KCND1: variants seen among roughly 807,000 people sequenced by gnomAD.
KCND1 encodes potassium voltage-gated channel subfamily D member 1, also known as A-type voltage-gated potassium channel KCND1.
In KCND1, 11 loss-of-function variants were observed where a neutral mutation model predicts 31.8. The ratio of observed to expected loss-of-function variants is 0.35; its 90% CI spans 0.22 to 0.57. The LOEUF (loss-of-function observed/expected upper bound fraction) is 0.57. KCND1 is among the 20% of genes least tolerant of loss of function. The pLI is 0.85. For missense variants in KCND1, 471 were observed against 596.8 expected (o/e 0.79, Z 2.20); for synonymous variants, 234 against 248.1 (o/e 0.94, Z 0.53).
At chrX:48,966,905 G>A (rs1023631062) in intron 2 of KCND1, 39 bp downstream of exon 2, 2 of 1,205,790 alleles carry the variant, frequency 1.7e-6, no homozygotes. Context: ...GGCTTGGGGT[G>A]TGGGGAGTAG....
intron 5 of KCND1, among the ~76,000 whole-genome samples, chrX:48,965,201 C>T (rs956519128): frequency 0.065 from 6,982 of 107,694 alleles, 242 homozygotes; most frequent in East Asian, 0.13. Context: ...TACAGGTGCG[C>T]GCCACCACAC....
At chrX:48,966,545 T>C (rs781976299) in intron 4 of KCND1, 33 bp downstream of exon 4, 1 of 1,157,025 alleles carries the variant, frequency 8.6e-7, no homozygotes, top group South Asian at 1.8e-5. Flanking sequence ...GGACCCCCTC[T>C]ATTCTGCTAT....
At position 48,962,802 on chromosome X, in the gene KCND1, A is replaced by C. The variant is rs142098952; in HGVS notation, c.1723T>G (p.Ser575Ala). ...LRRSHAPQSRSSLNAKPHDSL... is the reference protein window; with the variant it reads ...LRRSHAPQSRASLNAKPHDSL... ...TCATGGGGCTTGGCATTGAGGCTGG[A>C]ACGGCTGTGGACAAGGGTGGAGAAG... The change falls in exon 6 of 6, where the codon TCC (serine) becomes GCC (alanine). Residue 575 changes from serine (S) to alanine (A), a missense_variant. Around this residue, in one of 3 missense-constraint regions of KCND1, gnomAD observed 185 missense variants for 184.7 expected, o/e 1.00. Coordinates refer to ENST00000218176, the MANE Select transcript of KCND1 (RefSeq NM_004979.6). 4,520 of 1,203,872 alleles carry C rather than the reference A, an allele frequency of 3.8e-3. 15 individuals are homozygous for C. The highest frequency in any genetic ancestry group is 4.4e-3 in the Non-Finnish European group (3,938 of 890,857).
At position 48,970,585 on chromosome X, in the gene KCND1, T is replaced by G; in HGVS notation, c.-314A>C. ...GAGCTGAGGGAGGGTTTAGAGAGACTGAGATGATTCTAAAGGAGTCAGCCT... is the reference window on the plus strand; with the variant it reads ...GAGCTGAGGGAGGGTTTAGAGAGACGGAGATGATTCTAAAGGAGTCAGCCT... On this transcript the variant is annotated 5_prime_UTR_variant, in exon 1 of 6. Transcript: ENST00000218176. 1 of 241,853 alleles carries G rather than the reference T, an allele frequency of 4.1e-6. No homozygotes were observed. The allele number at this position is 241,853 out of a possible 1,213,427, so 19.9% of individuals were successfully genotyped here. A position where few individuals can be genotyped will look rare whatever the true frequency, so the allele number is the denominator to read the frequency against.
rs1569518736 is a variant in KCND1, at chrX:48,970,014, G to A, written c.258C>T (p.Arg86=). The A allele has an allele frequency of 8.3e-7, 1 of 1,211,270 alleles. No individual in the cohort carries two copies. The highest frequency in any genetic ancestry group is 1.1e-6 in the Non-Finnish European group (1 of 895,154). Residue 86 remains arginine, a synonymous_variant, in exon 1 of 6, where the codon CGC becomes CGT. Transcript: ENST00000218176. ...GCACATGGCGGAACATGTCAGGGTC[G>A]CGATCGAAGAAGTACTCGCCTGAGT... ...DADSGEYFFD[R]DPDMFRHVLN... is the part of the protein sequence containing the mutation.
At chrX:48,965,930 C>T in intron 5 of KCND1, 125 bp downstream of exon 5, 2 of 734,759 alleles carry the variant, frequency 2.7e-6, no homozygotes, top group East Asian at 3.3e-5. Flanking sequence ...TAAGCCCAAG[C>T]TTCCAGCATG....
At chrX:48,967,931 C>T (rs2064363217) in intron 1 of KCND1, 1 of 111,676 alleles carries the variant, frequency 9.0e-6, no homozygotes, top group Admixed American at 9.5e-5. Context: ...CAGAGCGTGT[C>T]CTCAACTGTG....
At position 48,962,790 on chromosome X, in the gene KCND1, C is replaced by T. The variant is rs1557057361; in HGVS notation, c.1735G>A (p.Ala579Thr). ...HAPQSRSSLN[A>T]KPHDSLDLNC... ...AGGTCAAGGCTGTCATGGGGCTTGG[C>T]ATTGAGGCTGGAACGGCTGTGGACA... is the stretch of plus-strand genomic sequence containing the variant. The change falls in exon 6 of 6, where the codon GCC (alanine) becomes ACC (threonine). Residue 579 changes from alanine (A) to threonine (T), a missense_variant. This residue lies in a region of KCND1 where 185 missense variants were observed against 184.7 expected (regional missense o/e 1.00). Transcript: ENST00000218176. 1 of 1,210,231 alleles carries T rather than the reference C, an allele frequency of 8.3e-7. No homozygotes were observed. Among genetic ancestry groups the T allele is most frequent in the Admixed American group, 2.2e-5 (1 of 45,942 alleles).
intron 5 of KCND1, 116 bp downstream of exon 5, chrX:48,965,939 T>C (rs2064349741): frequency 6.8e-6 from 5 of 731,108 alleles, no homozygotes; most frequent in Non-Finnish European, 8.0e-6. Context: ...GCTTCCAGCA[T>C]GGAGGGGTTT....
Position 48,962,389 on chromosome X carries a change from G to A in KCND1, c.*192C>T, listed in dbSNP as rs2064325459. Reference sequence around the variant, plus strand: ...GCTCCCACCAGGAAAAATGTCTGGGGTGGGAGGAAGTTTCTCATTTCCTGG... The same window carrying A: ...GCTCCCACCAGGAAAAATGTCTGGGATGGGAGGAAGTTTCTCATTTCCTGG... On this transcript the variant is annotated 3_prime_UTR_variant, in exon 6 of 6. Coordinates refer to ENST00000218176, the MANE Select transcript of KCND1 (RefSeq NM_004979.6). 2 of 422,396 alleles carry A rather than the reference G, an allele frequency of 4.7e-6. No homozygotes were observed. Among genetic ancestry groups the A allele is most frequent in the Non-Finnish European group, 8.4e-6 (2 of 238,981 alleles). The allele number at this position is 422,396 out of a possible 1,213,427, so 34.8% of individuals were successfully genotyped here. A position where few individuals can be genotyped will look rare whatever the true frequency, so the allele number is the denominator to read the frequency against.
At position 48,969,578 on chromosome X, in the gene KCND1, A is replaced by G; in HGVS notation, c.694T>C (p.Phe232Leu). ...AGTACACAGGCTGTGTCCATGCAGA[A>G]AAAGGCCTGTGGGAAGCGTTCGCCA... ...PCGERFPQAF[F>L]CMDTACVLIF... Residue 232 changes from phenylalanine (F) to leucine (L), a missense_variant, in exon 1 of 6, where the codon TTC (phenylalanine) becomes CTC (leucine). Physicochemically the swap from Phe to Leu is conservative, Grantham distance 22. Around this residue, in one of 3 missense-constraint regions of KCND1, gnomAD observed 212 missense variants for 257.9 expected, o/e 0.82. Transcript: ENST00000218176. 8.3e-7 allele frequency: 1 copy of G among 1,210,871 alleles called. No individual in the cohort carries two copies. The highest frequency in any genetic ancestry group is 1.1e-6 in the Non-Finnish European group (1 of 894,967).
intron 5 of KCND1, 50 bp downstream of exon 5, chrX:48,966,005 T>A: frequency 8.5e-7 from 1 of 1,179,764 alleles, no homozygotes; most frequent in Non-Finnish European, 1.1e-6. Context: ...GCTACTGGTC[T>A]AAGCTCTGAG....
Position 48,969,508 on chromosome X carries a change from C to T in KCND1, c.764G>A (p.Ser255Asn), listed in dbSNP as rs2064371972. ...GACACTCCGCAGGAAGCGGCAACGGCTGGGGGCGGCAAACAGCCGCAGGAG... is the reference window on the plus strand; with the variant it reads ...GACACTCCGCAGGAAGCGGCAACGGTTGGGGGCGGCAAACAGCCGCAGGAG... Reference protein sequence around the residue: ...EYLLRLFAAPSRCRFLRSVMS... With the variant: ...EYLLRLFAAPNRCRFLRSVMS... The change falls in exon 1 of 6, where the codon AGC becomes AAC. Residue 255 changes from serine (S) to asparagine (N), a missense_variant. By Grantham distance (46) the Ser-to-Asn change is conservative. Around this residue, in one of 3 missense-constraint regions of KCND1, gnomAD observed 212 missense variants for 257.9 expected, o/e 0.82. Transcript: ENST00000218176. 2.5e-6 allele frequency: 3 copies of T among 1,209,805 alleles called. No homozygotes were observed. Among genetic ancestry groups the T allele is most frequent in the Non-Finnish European group, 3.4e-6 (3 of 894,993 alleles).
intron 1 of KCND1, among the ~76,000 whole-genome samples, chrX:48,968,931 G>A (rs1331969674): frequency 1.8e-5 from 2 of 111,753 alleles, no homozygotes; most frequent in African/African-American, 6.5e-5. Flanking sequence ...GCGTGTACCT[G>A]TAATCCCAGC....
At chrX:48,967,369 A>G (rs1178808128) in intron 1 of KCND1, 7 of 338,219 alleles carry the variant, frequency 2.1e-5, no homozygotes, top group African/African-American at 1.9e-4. Flanking sequence ...AACCAAGCAG[A>G]GGGGAGCATG....
In KCND1 at chrX:48,966,580, T is replaced by C. The variant is rs2064354754; in HGVS notation, c.1465A>G (p.Thr489Ala). 3 of 1,206,256 alleles carry C rather than the reference T, an allele frequency of 2.5e-6. No homozygotes were observed. Among genetic ancestry groups the C allele is most frequent in the Admixed American group, 2.2e-5 (1 of 45,643 alleles). Reference protein sequence around the residue: ...HHLLHCLEKTTCHEFTDELTF... With the variant: ...HHLLHCLEKTACHEFTDELTF... ...TATCACCTCACATTAGGCCTCACCG[T>C]TGTCTTCTCTAGACAGTGCAGCAAG... The change falls in exon 4 of 6, where the codon ACG (threonine) becomes GCG (alanine). Residue 489 changes from threonine to alanine, a missense_variant and splice_region_variant. Physicochemically the swap from Thr to Ala is moderately conservative, Grantham distance 58. This residue lies in a region of KCND1 where 185 missense variants were observed against 184.7 expected (regional missense o/e 1.00). Coordinates refer to ENST00000218176, the MANE Select transcript of KCND1 (RefSeq NM_004979.6).
At position 48,969,562 on chromosome X, in the gene KCND1, G is replaced by A; in HGVS notation, c.710C>T (p.Ala237Val). 8.3e-7 allele frequency: 1 copy of A among 1,210,600 alleles called. No homozygotes were observed. The highest frequency in any genetic ancestry group is 1.1e-6 in the Non-Finnish European group (1 of 894,765). ...TTCACCTGTGAATATGAGTACACAG[G>A]CTGTGTCCATGCAGAAAAAGGCCTG... ...FPQAFFCMDT[A>V]CVLIFTGEYL... The change falls in exon 1 of 6, where the codon GCC becomes GTC. Residue 237 changes from alanine (A) to valine (V), a missense_variant. Physicochemically the swap from Ala to Val is moderately conservative, Grantham distance 64 (BLOSUM62 0). Transcript: ENST00000218176.
Position 48,971,405 on chromosome X carries a change from A to G in KCND1, c.-1134T>C, listed in dbSNP as rs1430312184. On this transcript the variant is annotated 5_prime_UTR_variant, in exon 1 of 6. Transcript: ENST00000218176. ...AGGGGGGCTCCTGGGCTTTGCAGGA[A>G]GCTGGCAGGAGACGCCGGGAGAAGG... is the stretch of plus-strand genomic sequence containing the variant. 1 of 111,191 alleles carries G rather than the reference A, an allele frequency of 9.0e-6. No individual in the cohort carries two copies. The highest frequency in any genetic ancestry group is 3.3e-5 in the African/African-American group (1 of 30,386). The allele number at this position is 111,191 out of a possible 1,213,427, so 9.2% of individuals were successfully genotyped here. A position where few individuals can be genotyped will look rare whatever the true frequency, so the allele number is the denominator to read the frequency against.
Position 48,962,278 on chromosome X carries a change from C to G in KCND1, c.*303G>C. 1 of 266,204 alleles carries G rather than the reference C, an allele frequency of 3.8e-6. No individual in the cohort carries two copies. The highest frequency in any genetic ancestry group is 6.0e-5 in the Admixed American group (1 of 16,739). The allele number at this position is 266,204 out of a possible 1,213,427, so 21.9% of individuals were successfully genotyped here. A position where few individuals can be genotyped will look rare whatever the true frequency, so the allele number is the denominator to read the frequency against. On this transcript the variant is annotated 3_prime_UTR_variant, in exon 6 of 6. Transcript: ENST00000218176. ...TCATCTGAGAGCCCAAGGGGAGGAG[C>G]ATGCAGGAGTCCAGCTGGGAGAGTG...
Sources: allele counts gnomAD v4.1 joint callset (sites outside exome capture counted in the v4.1 genomes callset), GRCh38; gene constraint gnomAD v4.1.1; regional missense constraint gnomAD v4.1.1; transcripts MANE v1.5; gene names NCBI Gene and HGNC (gene_info 2026-07-23, HGNC 2026-07-21).